DSCAML1: variants seen among roughly 807,000 people sequenced by gnomAD.
The protein encoded by DSCAML1 is DS cell adhesion molecule like 1.
Under a neutral mutation model 200.5 loss-of-function variants are expected in DSCAML1, and 38 were observed. The observed-to-expected ratio is 0.19, with a 90% CI of 0.15 to 0.25. The LOEUF (loss-of-function observed/expected upper bound fraction) is 0.25. DSCAML1 is among the 10% of genes least tolerant of loss of function. The pLI is 1.00. For synonymous variants in DSCAML1, 1,215 were observed against 1,165.0 expected, an observed-to-expected ratio of 1.04 and a Z score of -0.87; for missense variants, 2,223 against 2,858.8, an observed-to-expected ratio of 0.78 and a Z score of 5.07.
At chr11:117,757,300 A>G (rs2054710146) in intron 3 of DSCAML1, among the ~76,000 whole-genome samples, 2 of 152,166 alleles carry the variant, frequency 1.3e-5, no homozygotes, top group South Asian at 4.1e-4. Flanking sequence ...AATCATCTCT[A>G]ATCTCACTAT....
At chr11:117,636,610 C>T (rs495258) in intron 3 of DSCAML1, among the ~76,000 whole-genome samples, 3,668 of 152,266 alleles carry the variant, frequency 0.024, 59 homozygotes, top group Non-Finnish European at 0.036. Context: ...AGCCACACTT[C>T]CCCCTGCCTC....
Position 117,443,946 on chromosome 11 carries a change from C to T in DSCAML1, c.3802G>A (p.Val1268Ile), listed in dbSNP as rs769066450. 13 of 1,613,168 alleles carry T rather than the reference C, an allele frequency of 8.1e-6. No individual in the cohort carries two copies. In the Admixed American group the frequency reaches 1.0e-4, roughly 12 times the overall value. The change falls in exon 21 of 33, where the codon GTC becomes ATC. Residue 1268 changes from valine (V) to isoleucine (I), a missense_variant. Transcript: ENST00000651296. ...GQQYLLWVAAVTSAGRGNSSE... is the reference protein window; with the variant it reads ...GQQYLLWVAAITSAGRGNSSE... ...CTGTTGCCCCGGCCGGCAGAGGTGACGGCGGCCACCCACAGCAGATACTGC... is the reference window on the plus strand; with the variant it reads ...CTGTTGCCCCGGCCGGCAGAGGTGATGGCGGCCACCCACAGCAGATACTGC...
chr11:117,749,206 G>A (rs757138234), intron 3 of DSCAML1, among the ~76,000 whole-genome samples: 5 of 152,228 alleles, frequency 3.3e-5, no homozygotes, highest in African/African-American at 1.2e-4. Context: ...CGGGGCTTGA[G>A]CCGGGACGAG....
intron 3 of DSCAML1, among the ~76,000 whole-genome samples, chr11:117,764,378 C>A (rs911217127): frequency 2.0e-5 from 3 of 152,168 alleles, no homozygotes; most frequent in Non-Finnish European, 2.9e-5. Flanking sequence ...TACACATGCA[C>A]GCATATATAT....
chr11:117,594,447 A>G (rs1001817847), intron 3 of DSCAML1, among the ~76,000 whole-genome samples: 5 of 152,244 alleles, frequency 3.3e-5, no homozygotes, highest in Admixed American at 6.5e-5. Flanking sequence ...TGAGAAGCTC[A>G]TCAGATCCGC....
At chr11:117,596,324 A>G (rs1366881911) in intron 3 of DSCAML1, among the ~76,000 whole-genome samples, 1 of 152,110 alleles carries the variant, frequency 6.6e-6, no homozygotes, top group Non-Finnish European at 1.5e-5. Context: ...TCTACCAGGA[A>G]ACACAACCTC....
intron 3 of DSCAML1, among the ~76,000 whole-genome samples, chr11:117,691,555 G>A (rs749300819): frequency 4.1e-4 from 62 of 152,014 alleles, no homozygotes; most frequent in Non-Finnish European, 5.3e-4. Context: ...TAATAATGCC[G>A]TTTCCCTGCT....
chr11:117,531,870 G>A (rs1320477589), intron 4 of DSCAML1, among the ~76,000 whole-genome samples: 1 of 137,400 alleles, frequency 7.3e-6, no homozygotes, highest in African/African-American at 2.7e-5. Context: ...TGGGCAACAA[G>A]AGAGAAACTC....
chr11:117,467,475 A>AT (rs540949584), intron 16 of DSCAML1, among the ~76,000 whole-genome samples: 6 of 152,362 alleles, frequency 3.9e-5, no homozygotes, highest in Non-Finnish European at 5.9e-5. Flanking sequence ...AAATAGTGAG[A>AT]TAAAAACAAT....
chr11:117,525,086 G>A lies in DSCAML1; in HGVS notation c.659-3C>T. ...GGTGGGGATCGACTCAGCAGGGTCT[G>A]GAAGGCAGAGAGGGTCGGCAGCCCT... On this transcript the variant is annotated splice_polypyrimidine_tract_variant and splice_region_variant and intron_variant, in intron 4 of 32. Transcript: ENST00000651296. 6.5e-7 allele frequency: 1 copy of A among 1,536,656 alleles called. No individual in the cohort carries two copies.
chr11:117,449,171 A>G (rs2048236208), intron 20 of DSCAML1, among the ~76,000 whole-genome samples: 1 of 152,172 alleles, frequency 6.6e-6, no homozygotes, highest in South Asian at 2.1e-4. Context: ...AATCTATGCT[A>G]TTGAGGTCAG....
intron 3 of DSCAML1, among the ~76,000 whole-genome samples, chr11:117,735,534 G>A (rs949419904): frequency 6.6e-6 from 1 of 152,110 alleles, no homozygotes; most frequent in African/African-American, 2.4e-5. Context: ...GGACAATAAC[G>A]CCTTTCAAAA....
chr11:117,431,471 T>C, intron 31 of DSCAML1, 63 bp downstream of exon 31: 6 of 1,414,526 alleles, frequency 4.2e-6, no homozygotes, highest in Non-Finnish European at 5.7e-6. Flanking sequence ...GAATAGAAGG[T>C]GAAGGTGAAT....
intron 3 of DSCAML1, among the ~76,000 whole-genome samples, chr11:117,539,195 C>A (rs4938403): frequency 0.082 from 12,412 of 152,234 alleles, 633 homozygotes; most frequent in East Asian, 0.11. Flanking sequence ...GCTGGAAATT[C>A]ACCTTCTTCA....
chr11:117,650,712 T>G (rs2052615795), intron 3 of DSCAML1, among the ~76,000 whole-genome samples: 1 of 133,810 alleles, frequency 7.5e-6, no homozygotes, highest in African/African-American at 2.6e-5. Context: ...CGTGTGTGTG[T>G]GTGGTGGGGA....
At chr11:117,686,145 A>G (rs1244687158) in intron 3 of DSCAML1, among the ~76,000 whole-genome samples, 1 of 152,182 alleles carries the variant, frequency 6.6e-6, no homozygotes, top group Non-Finnish European at 1.5e-5. Flanking sequence ...ATGGGCTGAC[A>G]TGGTTGAGCC....
intron 3 of DSCAML1, among the ~76,000 whole-genome samples, chr11:117,758,232 G>A (rs1355978184): frequency 2.6e-5 from 4 of 151,226 alleles, no homozygotes; most frequent in African/African-American, 9.7e-5. Context: ...CGTGGGAGGC[G>A]GAGGCTGTGG....
chr11:117,731,810 T>G (rs2054225327), intron 3 of DSCAML1, among the ~76,000 whole-genome samples: 1 of 152,224 alleles, frequency 6.6e-6, no homozygotes, highest in Admixed American at 6.5e-5. Flanking sequence ...TAGCAGGTGC[T>G]CAATAAATGT....
intron 3 of DSCAML1, among the ~76,000 whole-genome samples, chr11:117,623,236 GAC>G (rs2051975706): frequency 1.6e-5 from 1 of 62,688 alleles, no homozygotes; most frequent in African/African-American, 5.8e-5. Context: ...TTTTTTTTGA[GAC>G]AGAGTTTTGC....
Sources: gnomAD v4.1 joint callset for allele counts (sites outside exome capture counted in the v4.1 genomes callset) on GRCh38, gnomAD v4.1.1 for gene constraint, MANE v1.5 for transcripts, NCBI Gene and HGNC (gene_info 2026-07-23, HGNC 2026-07-21) for gene names.